OOSP3: variants seen among roughly 807,000 people sequenced by gnomAD.
The protein encoded by OOSP3 is oocyte secreted protein family member 3.
At chr11:59,889,865 T>C (rs1210752693) in intron 2 of OOSP3, among the ~76,000 whole-genome samples, 1 of 151,960 alleles carries the variant, frequency 6.6e-6, no homozygotes, top group East Asian at 1.9e-4. Context: ...TGTCTCAATC[T>C]AATATTGACA....
chr11:59,892,572 G>A (rs1853322215), intron 2 of OOSP3, among the ~76,000 whole-genome samples: 1 of 152,056 alleles, frequency 6.6e-6, no homozygotes, highest in Non-Finnish European at 1.5e-5. Context: ...AGTGGAGCCT[G>A]GTGATGCCTG....
chr11:59,889,295 A>T, intron 2 of OOSP3, among the ~76,000 whole-genome samples: 1 of 145,850 alleles, frequency 6.9e-6, no homozygotes, highest in East Asian at 2.0e-4. Context: ...TCATGTCTCT[A>T]TTTCCTTCAG....
exon 5 of OOSP3, chr11:59,896,175 C>T (rs557081123): frequency 2.0e-5 from 8 of 398,472 alleles, no homozygotes; most frequent in East Asian, 3.6e-5. Flanking sequence ...TATGTCTCAT[C>T]CATTAGTCCA....
chr11:59,887,630 T>C (rs1462530732), intron 2 of OOSP3, among the ~76,000 whole-genome samples: 3 of 152,138 alleles, frequency 2.0e-5, no homozygotes, highest in East Asian at 3.9e-4. Flanking sequence ...TATTTCTGAG[T>C]TCTGTATTTT....
chr11:59,895,313 C>T (rs1853345524), intron 3 of OOSP3, among the ~76,000 whole-genome samples, 189 bp from the exon 4 acceptor site: 1 of 147,976 alleles, frequency 6.8e-6, no homozygotes, highest in African/African-American at 2.5e-5. Flanking sequence ...GACTAACGCC[C>T]CTAAATGGAG....
chr11:59,895,967 T>G (rs1229317808), intron 4 of OOSP3, among the ~76,000 whole-genome samples, 166 bp from the exon 5 acceptor site: 6 of 152,240 alleles, frequency 3.9e-5, no homozygotes, highest in African/African-American at 1.4e-4. Context: ...CTCAGACACT[T>G]GAATAAAAAT....
chr11:59,894,969 A>T (rs559633194), intron 3 of OOSP3, among the ~76,000 whole-genome samples: 51 of 151,908 alleles, frequency 3.4e-4, no homozygotes, highest in Admixed American at 3.3e-3. Flanking sequence ...AACTTCCCCC[A>T]CCCCCAATTT....
chr11:59,887,794 C>T (rs1472486607), intron 2 of OOSP3, among the ~76,000 whole-genome samples: 1 of 152,028 alleles, frequency 6.6e-6, no homozygotes, highest in African/African-American at 2.4e-5. Flanking sequence ...TTTTTCGGTT[C>T]CATATGATTT....
At chr11:59,896,394 A>G in exon 5 of OOSP3, 1 of 378,556 alleles carries the variant, frequency 2.6e-6, no homozygotes. Context: ...AGGCCATTAT[A>G]CCCTTGCATA....
At position 59,880,569 on chromosome 11, in the gene OOSP3, G is replaced by T. The variant is rs1853189870; in HGVS notation, c.252+130G>T. ...ACTTTAATTTGGTACTTTCAGGATA[G>T]GAAGACCAGTGGGTACCTTGACTTG... On this transcript the variant is annotated intron_variant, in intron 2 of 4. Coordinates refer to ENST00000646438, the Ensembl canonical transcript of OOSP3. 7.6e-6 allele frequency: 3 copies of T among 395,384 alleles called. No homozygotes were observed. In the South Asian group the frequency reaches 4.3e-4, roughly 57 times the overall value. 24.5% of individuals were successfully genotyped at this position (395,384 alleles called of 1,614,324 possible). A position where few individuals can be genotyped will look rare whatever the true frequency, so the allele number is the denominator to read the frequency against.
rs142354207 is a variant in OOSP3 at position 59,888,920 on chromosome 11, C to T, written c.253-5159C>T. Among the ~76,000 whole-genome samples the T allele has an allele frequency of 7.9e-5, 12 of 152,272 alleles. 1 individual carries two copies. The highest frequency in any genetic ancestry group is 6.2e-4 in the South Asian group (3 of 4,830). The stretch of plus-strand genomic sequence containing the variant: ...TGGTAGAATTCAGCTGTAAATCCAA[C>T]GGGTCCTGGGCTTCTTTGTTTGTTT... On this transcript the variant is annotated intron_variant, in intron 2 of 4. Coordinates refer to ENST00000646438, the Ensembl canonical transcript of OOSP3.
chr11:59,895,466 C>G (rs1225094964), intron 3 of OOSP3, 36 bp from the exon 4 acceptor site: 1 of 397,892 alleles, frequency 2.5e-6, no homozygotes, highest in Non-Finnish European at 4.4e-6. Context: ...TAAATGTAAT[C>G]TGATGTGCAA....
intron 2 of OOSP3, among the ~76,000 whole-genome samples, chr11:59,890,701 C>T (rs1004260061): frequency 6.6e-6 from 1 of 152,102 alleles, no homozygotes; most frequent in Non-Finnish European, 1.5e-5. Context: ...TCTCTGACTG[C>T]CCTTAACATT....
At chr11:59,882,116 G>T (rs1261469286) in intron 2 of OOSP3, among the ~76,000 whole-genome samples, 1 of 152,096 alleles carries the variant, frequency 6.6e-6, no homozygotes, top group African/African-American at 2.4e-5. Flanking sequence ...CATTACAAAG[G>T]CCAAAGAATT....
intron 2 of OOSP3, among the ~76,000 whole-genome samples, chr11:59,889,525 C>T (rs1853291238): frequency 6.6e-6 from 1 of 152,054 alleles, no homozygotes; most frequent in Non-Finnish European, 1.5e-5. Context: ...TTTCAAAGAA[C>T]TTGATTTCTG....
Position 59,896,410 on chromosome 11 carries a change from T to C in OOSP3, c.*197T>C, listed in dbSNP as rs115962920. ...GGCCATTATACCCTTGCATAGTCTC[T>C]TATAATACAATGTCTATGTATAATT... On this transcript the variant is annotated 3_prime_UTR_variant, in exon 5 of 5. Coordinates refer to ENST00000646438, the Ensembl canonical transcript of OOSP3. 4.0e-3 allele frequency: 1,469 copies of C among 366,228 alleles called. 24 individuals carry two copies. Among genetic ancestry groups the C allele is most frequent in the African/African-American group, 0.028 (1,323 of 48,040 alleles). 22.7% of individuals were successfully genotyped at this position (366,228 alleles called of 1,614,324 possible).
rs114253153 is a variant in OOSP3, at chr11:59,893,915, T to A, written c.253-164T>A. 7.2e-3 allele frequency among the ~76,000 whole-genome samples: 1,101 copies of A among 152,338 alleles called. 17 individuals carry two copies. Among genetic ancestry groups the A allele is most frequent in the African/African-American group, 0.024 (1,012 of 41,580 alleles). ...TCAAAAGCCTTGGATGGTGTTTTTT[T>A]AAAATTTTTCTGGTGAATCAGTTTT... On this transcript the variant is annotated intron_variant, in intron 2 of 4. Transcript: ENST00000646438.
intron 2 of OOSP3, among the ~76,000 whole-genome samples, chr11:59,888,517 A>T (rs1853282746): frequency 6.6e-6 from 1 of 152,118 alleles, no homozygotes; most frequent in African/African-American, 2.4e-5. Flanking sequence ...AGGGATGTTG[A>T]ATTTTCTCAA....
intron 2 of OOSP3, among the ~76,000 whole-genome samples, chr11:59,892,330 T>A (rs1435356577): frequency 6.6e-6 from 1 of 152,126 alleles, no homozygotes; most frequent in African/African-American, 2.4e-5. Flanking sequence ...TGCTTTTTCT[T>A]GCTCTCTGTG....
Sources: gnomAD v4.1 joint callset for allele counts (sites outside exome capture counted in the v4.1 genomes callset) on GRCh38, gnomAD v4.1.1 for gene constraint, MANE v1.5 for transcripts, NCBI Gene and HGNC (gene_info 2026-07-23, HGNC 2026-07-21) for gene names.